Variants in FRAS1 observed in about 807,000 individuals in gnomAD.
FRAS1 encodes the protein extracellular matrix organizing protein FRAS1.
Under a neutral mutation model 435.2 loss-of-function variants are expected in FRAS1, and 290 were observed. The ratio of observed to expected loss-of-function variants is 0.67; its 90% confidence interval spans 0.61 to 0.73. The LOEUF (loss-of-function observed/expected upper bound fraction) is 0.73, where lower values mean the gene tolerates loss of function less well. FRAS1 is among the 30% of genes least tolerant of loss of function. The probability of loss-of-function intolerance (pLI) is 0.00; values close to 1 mark genes in which losing one functional copy is unlikely to be tolerated. For synonymous variants in FRAS1, 1,800 were observed against 1,851.0 expected, an observed-to-expected ratio of 0.97 and a Z score of 0.71; for missense variants, 4,860 against 5,001.5, an observed-to-expected ratio of 0.97 and a Z score of 0.85.
At chr4:78,227,763 G>A (rs1560591098) in intron 2 of FRAS1, among the ~76,000 whole-genome samples, 1 of 152,216 alleles carries the variant, frequency 6.6e-6, no homozygotes. Context: ...TAATCTAGAA[G>A]GCAAGATCTC....
intron 2 of FRAS1, among the ~76,000 whole-genome samples, chr4:78,145,070 C>T (rs539594807): frequency 6.6e-6 from 1 of 152,288 alleles, no homozygotes; most frequent in Admixed American, 6.5e-5. Context: ...ATTGTGCCAA[C>T]TTATAATCTC....
chr4:78,154,811 G>T (rs925852600), intron 2 of FRAS1, among the ~76,000 whole-genome samples: 2 of 152,162 alleles, frequency 1.3e-5, no homozygotes, highest in Non-Finnish European at 1.5e-5. Context: ...GTTAGTATGC[G>T]CAGTTCCATG....
At chr4:78,268,278 G>A (rs1726475446) in intron 9 of FRAS1, among the ~76,000 whole-genome samples, 2 of 152,122 alleles carry the variant, frequency 1.3e-5, no homozygotes, top group Non-Finnish European at 2.9e-5. Flanking sequence ...TCTTAACCCT[G>A]AGCCTAAGGA....
intron 14 of FRAS1, among the ~76,000 whole-genome samples, chr4:78,290,629 T>C (rs1046696188): frequency 6.6e-6 from 1 of 151,964 alleles, no homozygotes; most frequent in African/African-American, 2.4e-5. Flanking sequence ...TTTTGTATTT[T>C]AGTAGAAACT....
intron 20 of FRAS1, among the ~76,000 whole-genome samples, chr4:78,359,778 T>C (rs1731005479): frequency 1.3e-5 from 2 of 152,164 alleles, no homozygotes; most frequent in African/African-American, 4.8e-5. Flanking sequence ...CTTGGATAAA[T>C]GTGATGTATT....
At chr4:78,077,284 C>A (rs1029648336) in intron 2 of FRAS1, among the ~76,000 whole-genome samples, 4 of 152,080 alleles carry the variant, frequency 2.6e-5, no homozygotes, top group Admixed American at 2.0e-4. Context: ...GTGGGAGGAT[C>A]GCTTGATCCC....
At chr4:78,381,886 G>T (rs1732033984) in intron 27 of FRAS1, among the ~76,000 whole-genome samples, 2 of 89,500 alleles carry the variant, frequency 2.2e-5, no homozygotes, top group Admixed American at 2.3e-4. Context: ...AGAATGAGAG[G>T]TATAATAAAA....
intron 2 of FRAS1, among the ~76,000 whole-genome samples, chr4:78,131,306 C>A (rs901040645): frequency 6.6e-6 from 1 of 152,012 alleles, no homozygotes; most frequent in Admixed American, 6.6e-5. Flanking sequence ...ATATTTGATC[C>A]AGGCAGGCAC....
chr4:78,337,841 C>T lies in FRAS1; in HGVS notation c.2422+24C>T. 3 of 1,613,572 alleles carry T rather than the reference C, an allele frequency of 1.9e-6. No homozygotes were observed. In the South Asian group the frequency reaches 3.3e-5, roughly 18 times the overall value. On this transcript the variant is annotated intron_variant, in intron 20 of 73. Transcript: ENST00000512123. Reference sequence around the variant, plus strand: ...TGGTGAGTGAAACTCCTGTGGACTCCTCGGAAATCACTGGGCAGCTGCCGG... The same window carrying T: ...TGGTGAGTGAAACTCCTGTGGACTCTTCGGAAATCACTGGGCAGCTGCCGG...
At chr4:78,217,415 T>C (rs1723816905) in intron 2 of FRAS1, among the ~76,000 whole-genome samples, 1 of 152,074 alleles carries the variant, frequency 6.6e-6, no homozygotes, top group Non-Finnish European at 1.5e-5. Flanking sequence ...GGCAAAGTTG[T>C]TGGGGGGCAT....
intron 2 of FRAS1, among the ~76,000 whole-genome samples, chr4:78,139,842 T>C (rs575905414): frequency 1.2e-3 from 187 of 152,346 alleles, no homozygotes; most frequent in African/African-American, 4.4e-3. Flanking sequence ...ATTACTTAAA[T>C]TATTTGGGCT....
chr4:78,230,545 C>T (rs111838203), intron 2 of FRAS1, among the ~76,000 whole-genome samples: 98 of 152,230 alleles, frequency 6.4e-4, no homozygotes, highest in African/African-American at 1.6e-3. Flanking sequence ...GTTATTGATT[C>T]GTTTCTTCAT....
chr4:78,274,502 C>T (rs1345473458), intron 9 of FRAS1, among the ~76,000 whole-genome samples: 2 of 152,096 alleles, frequency 1.3e-5, no homozygotes, highest in Non-Finnish European at 2.9e-5. Flanking sequence ...CCCAGAGATT[C>T]TGGTATGTTG....
intron 2 of FRAS1, among the ~76,000 whole-genome samples, chr4:78,117,967 A>G (rs1442060352): frequency 1.5e-5 from 2 of 130,628 alleles, no homozygotes; most frequent in South Asian, 2.5e-4. Context: ...GGTTTTATCT[A>G]CCTTTGGTCT....
At chr4:78,306,933 G>T (rs1346901147) in intron 14 of FRAS1, among the ~76,000 whole-genome samples, 1 of 152,226 alleles carries the variant, frequency 6.6e-6, no homozygotes, top group African/African-American at 2.4e-5. Flanking sequence ...TGGAGGAGGA[G>T]AGGCACTCTG....
At chr4:78,457,236 G>C (rs1488186318) in intron 47 of FRAS1, among the ~76,000 whole-genome samples, 1 of 152,202 alleles carries the variant, frequency 6.6e-6, no homozygotes, top group Non-Finnish European at 1.5e-5. Context: ...GAGTCCACCG[G>C]AAGCTGAACC....
intron 6 of FRAS1, among the ~76,000 whole-genome samples, chr4:78,256,389 T>C (rs1326578444): frequency 7.9e-5 from 12 of 152,208 alleles, no homozygotes; most frequent in African/African-American, 2.9e-4. Flanking sequence ...CTAATGCTCT[T>C]ACATTTGGAG....
rs768630460 is a variant in FRAS1, at chr4:78,432,383, G to A, written c.4996G>A (p.Glu1666Lys). ...TGACACTTTCACCTATGAGGATGTT[G>A]AGAAAAATGCTCTACAGTATATACA... ...TGDTFTYEDVEKNALQYIHDG... is the reference protein window; with the variant it reads ...TGDTFTYEDVKKNALQYIHDG... The change falls in exon 38 of 74, where the codon GAG (glutamate) becomes AAG (lysine). Residue 1666 changes from glutamate (E) to lysine (K), a missense_variant. Physicochemically the swap from Glu to Lys is moderately conservative, Grantham distance 56. Coordinates refer to ENST00000512123, the MANE Select transcript of FRAS1 (RefSeq NM_025074.7). 34 of 1,603,104 alleles carry A rather than the reference G, an allele frequency of 2.1e-5. No individual in the cohort carries two copies. Among genetic ancestry groups the A allele is most frequent in the Non-Finnish European group, 9.4e-6 (11 of 1,174,286 alleles).
chr4:78,374,040 G>A, intron 24 of FRAS1, 71 bp from the exon 25 acceptor site: 1 of 1,443,408 alleles, frequency 6.9e-7, no homozygotes, highest in Non-Finnish European at 9.3e-7. Flanking sequence ...ATCTCATGCT[G>A]CCTTTCCACA....
Sources: gnomAD v4.1 joint callset for allele counts (sites outside exome capture counted in the v4.1 genomes callset) on GRCh38, gnomAD v4.1.1 for gene constraint, MANE v1.5 for transcripts, NCBI Gene and HGNC (gene_info 2026-07-23, HGNC 2026-07-21) for gene names.